The following EPB41L2 variants were observed in gnomAD, a reference collection of about 807,000 sequenced individuals.
EPB41L2 encodes erythrocyte membrane protein band 4.1 like 2, also known as band 4.1-like protein 2.
In EPB41L2, 43 loss-of-function variants were observed where a neutral mutation model predicts 113.0. That is an observed-to-expected ratio of 0.38 (90% CI 0.30 to 0.49). The LOEUF is 0.49. EPB41L2 is among the 20% of genes least tolerant of loss of function. EPB41L2 has a pLI of 0.95. For synonymous variants in EPB41L2, 442 were observed against 436.7 expected (o/e 1.01, Z -0.15); for missense variants, 1,147 against 1,223.4 (o/e 0.94, Z 0.93).
chr6:130,910,182 T>C (rs1311866339), intron 4 of EPB41L2, among the ~76,000 whole-genome samples: 10 of 152,062 alleles, frequency 6.6e-5, no homozygotes, highest in Non-Finnish European at 1.3e-4. Flanking sequence ...AAAACAGATA[T>C]ATAGACCAAT....
intron 3 of EPB41L2, among the ~76,000 whole-genome samples, chr6:130,941,057 T>C (rs1167474525): frequency 6.6e-6 from 1 of 152,166 alleles, no homozygotes; most frequent in African/African-American, 2.4e-5. Flanking sequence ...TCAGCTCAAG[T>C]AGGAACCAAA....
In EPB41L2 at chr6:130,899,475, G is replaced by A. The variant is rs375328243; in HGVS notation, c.1236+16C>T. On this transcript the variant is annotated intron_variant, in intron 8 of 19. Coordinates refer to ENST00000337057, the MANE Select transcript of EPB41L2 (RefSeq NM_001431.4). ...ACAGACTACTATGATGCTACTCCCC[G>A]TTACATTTACAGTACCTTGGCATGA... The A allele has an allele frequency of 3.7e-5, 60 of 1,606,390 alleles. No homozygotes were observed. Among genetic ancestry groups the A allele is most frequent in the Non-Finnish European group, 4.7e-5 (55 of 1,173,372 alleles).
intron 1 of EPB41L2, among the ~76,000 whole-genome samples, chr6:130,973,258 G>A (rs1052575720): frequency 1.6e-5 from 2 of 124,466 alleles, no homozygotes; most frequent in African/African-American, 3.3e-5. Context: ...TTGTCAAAAT[G>A]GGCAGACACA....
At chr6:130,873,875 A>G (rs9492745) in intron 14 of EPB41L2, among the ~76,000 whole-genome samples, 4,012 of 152,248 alleles carry the variant, frequency 0.026, 204 homozygotes, top group African/African-American at 0.092. Flanking sequence ...GGGTGAGGGG[A>G]GTAGGCACTT....
chr6:130,888,959 T>G (rs1791915508), intron 11 of EPB41L2, among the ~76,000 whole-genome samples: 1 of 152,168 alleles, frequency 6.6e-6, no homozygotes, highest in Non-Finnish European at 1.5e-5. Flanking sequence ...TTCCAAGTTT[T>G]TCTTCTAGAA....
At chr6:130,872,906 A>G (rs1261078023) in intron 14 of EPB41L2, among the ~76,000 whole-genome samples, 1 of 152,138 alleles carries the variant, frequency 6.6e-6, no homozygotes, top group Non-Finnish European at 1.5e-5. Flanking sequence ...TGAAATGCTT[A>G]TTCCTGTGTT....
intron 5 of EPB41L2, among the ~76,000 whole-genome samples, chr6:130,904,930 TA>T (rs34801251): frequency 0.67 from 98,601 of 146,270 alleles, 33,381 homozygotes; most frequent in East Asian, 0.99. Context: ...TTTTTTTTTT[TA>T]AAATTCAGGA....
chr6:130,878,509 T>C lies in EPB41L2; in HGVS notation c.1897-259A>G. ...AAAGGGTTCTGATTTCTTCTCTATT[T>C]AGGATTTTTAAAGGAATAATTATTT... On this transcript the variant is annotated intron_variant, in intron 13 of 19. Coordinates refer to ENST00000337057, the MANE Select transcript of EPB41L2 (RefSeq NM_001431.4). The C allele has an allele frequency of 1.2e-5, 4 of 341,346 alleles. 1 individual carries two copies. The South Asian group carries it at 1.8e-4, about 16-fold the overall frequency. The allele number at this position is 341,346 out of a possible 1,614,324, so 21.1% of individuals were successfully genotyped here.
At chr6:130,883,782 T>TCCC (rs1790033373) in intron 12 of EPB41L2, among the ~76,000 whole-genome samples, 1 of 152,194 alleles carries the variant, frequency 6.6e-6, no homozygotes, top group Non-Finnish European at 1.5e-5. Context: ...TTTATCTGAA[T>TCCC]TCCCCACCAA....
chr6:130,971,080 G>GATAGAGTCTC (rs1258962930), intron 1 of EPB41L2, among the ~76,000 whole-genome samples: 1 of 151,994 alleles, frequency 6.6e-6, no homozygotes, highest in East Asian at 1.9e-4. Context: ...TTTTTGTAGA[G>GATAGAGTCTC]ATAGAGTCTC....
At chr6:130,941,842 C>T (rs1329364061) in intron 3 of EPB41L2, among the ~76,000 whole-genome samples, 1 of 152,148 alleles carries the variant, frequency 6.6e-6, no homozygotes, top group African/African-American at 2.4e-5. Flanking sequence ...TCAGGTGCCT[C>T]TCCAGAATAT....
intron 1 of EPB41L2, among the ~76,000 whole-genome samples, chr6:131,023,314 T>G (rs1342418040): frequency 6.9e-6 from 1 of 144,652 alleles, no homozygotes; most frequent in Non-Finnish European, 1.5e-5. Flanking sequence ...TATTTCTTAT[T>G]TATTTTCCTG....
At chr6:131,009,137 A>C (rs1331339741) in intron 1 of EPB41L2, among the ~76,000 whole-genome samples, 1 of 152,158 alleles carries the variant, frequency 6.6e-6, no homozygotes, top group Non-Finnish European at 1.5e-5. Flanking sequence ...CCTATGTGTC[A>C]AGGGTGGGGC....
At position 130,926,695 on chromosome 6, in the gene EPB41L2, T is replaced by A. The variant is rs763881478; in HGVS notation, c.720A>T (p.Gly240=). The A allele has an allele frequency of 6.2e-7, 1 of 1,600,724 alleles. No individual in the cohort carries two copies. Among genetic ancestry groups the A allele is most frequent in the Non-Finnish European group, 8.5e-7 (1 of 1,176,408 alleles). ...CACACACTTTGTCAAATAACACTTG[T>A]CCCTTGGCATGTTTCTGGAGAAAAA... ...YSCDLEKHAK[G]QVLFDKVCEH... The change falls in exon 4 of 20, where the codon GGA becomes GGT. Residue 240 remains glycine, a synonymous_variant. Transcript: ENST00000337057.
chr6:131,042,457 AGGT>A (rs1260529556), intron 1 of EPB41L2, among the ~76,000 whole-genome samples: 4 of 152,230 alleles, frequency 2.6e-5, no homozygotes, highest in Admixed American at 2.6e-4. Context: ...GGGAAAAACA[AGGT>A]GGTGAGGAAA....
intron 14 of EPB41L2, among the ~76,000 whole-genome samples, chr6:130,877,724 T>C (rs1234903553): frequency 6.6e-6 from 1 of 152,152 alleles, no homozygotes; most frequent in East Asian, 1.9e-4. Context: ...ATAGCCTATA[T>C]TTCTTTATTT....
intron 3 of EPB41L2, among the ~76,000 whole-genome samples, chr6:130,950,451 A>G (rs1379776892): frequency 1.3e-5 from 2 of 152,196 alleles, no homozygotes; most frequent in South Asian, 2.1e-4. Context: ...GAAATGGACA[A>G]TCTCTACCAA....
intron 14 of EPB41L2, chr6:130,870,490 T>C: frequency 8.7e-7 from 1 of 1,150,008 alleles, no homozygotes; most frequent in Non-Finnish European, 1.3e-6. Context: ...AATCAACATC[T>C]ACAGAAACCT....
At chr6:130,919,065 A>G (rs1284196903) in intron 4 of EPB41L2, among the ~76,000 whole-genome samples, 2 of 152,202 alleles carry the variant, frequency 1.3e-5, no homozygotes. Flanking sequence ...AAATCAGATT[A>G]TATATGAATA....
Sources: gnomAD v4.1 joint callset for allele counts (sites outside exome capture counted in the v4.1 genomes callset) on GRCh38, gnomAD v4.1.1 for gene constraint, MANE v1.5 for transcripts, NCBI Gene and HGNC (gene_info 2026-07-23, HGNC 2026-07-21) for gene names.